Variants in MLIP observed in about 807,000 individuals in gnomAD.
MLIP encodes the protein muscular LMNA interacting protein, also known as muscular LMNA-interacting protein.
MLIP carries 79 observed loss-of-function variants against 84.8 expected under a neutral mutation model. The ratio of observed to expected loss-of-function variants is 0.93; its 90% CI spans 0.78 to 1.12. The LOEUF is 1.12. MLIP is among the 50% of genes most tolerant of loss of function. MLIP has a pLI of 0.00. For synonymous variants in MLIP, 504 were observed against 463.0 expected (o/e 1.09, Z -1.14); for missense variants, 1,257 against 1,160.6 (o/e 1.08, Z -1.21).
chr6:54,192,597 T>C (rs1003001571), intron 10 of MLIP, among the ~76,000 whole-genome samples: 1 of 151,812 alleles, frequency 6.6e-6, no homozygotes, highest in African/African-American at 2.4e-5. Context: ...AGAATGTCTT[T>C]GATAAACAAA....
At chr6:54,213,985 C>T (rs935394204) in intron 11 of MLIP, among the ~76,000 whole-genome samples, 6 of 151,986 alleles carry the variant, frequency 3.9e-5, no homozygotes, top group South Asian at 4.1e-4. Context: ...AGAGCATAGC[C>T]ATTTATTTTT....
intron 12 of MLIP, among the ~76,000 whole-genome samples, chr6:54,238,615 G>T (rs997128313): frequency 2.0e-5 from 3 of 152,188 alleles, no homozygotes; most frequent in Admixed American, 1.3e-4. Context: ...CTAGAGGAGT[G>T]AGGACTAAGC....
chr6:54,059,894 G>A (rs1765868994), intron 1 of MLIP, among the ~76,000 whole-genome samples: 1 of 152,204 alleles, frequency 6.6e-6, no homozygotes, highest in South Asian at 2.1e-4. Context: ...TTTTACAATG[G>A]TTATTTCCTT....
rs1765967247 is a variant in MLIP at position 54,061,575 on chromosome 6, A to G, written c.63+42484A>G. On this transcript the variant is annotated intron_variant, in intron 1 of 12. Coordinates refer to the MLIP transcript ENST00000274897. The stretch of plus-strand genomic sequence containing the variant: ...CCAGGCAGCAGGCTCTGATCTTTGA[A>G]GAATTTATATAATTGCAGAAGTAGG... Among the ~76,000 whole-genome samples, 3 of 152,216 alleles carry G rather than the reference A, an allele frequency of 2.0e-5. 1 individual carries two copies. Among genetic ancestry groups the G allele is most frequent in the African/African-American group, 4.8e-5 (2 of 41,448 alleles).
intron 5 of MLIP, among the ~76,000 whole-genome samples, chr6:54,158,195 G>T (rs1258602459): frequency 2.6e-5 from 4 of 152,070 alleles, no homozygotes. Flanking sequence ...GGTTTCACAG[G>T]TGGCATAACA....
At chr6:54,024,176 C>T (rs935767240) in intron 1 of MLIP, among the ~76,000 whole-genome samples, 1 of 152,130 alleles carries the variant, frequency 6.6e-6, no homozygotes, top group African/African-American at 2.4e-5. Context: ...CCATGCCCAG[C>T]TAATTTTGTA....
chr6:54,183,951 T>C (rs1302113025), intron 9 of MLIP, among the ~76,000 whole-genome samples: 1 of 152,122 alleles, frequency 6.6e-6, no homozygotes, highest in Non-Finnish European at 1.5e-5. Flanking sequence ...ATGGATTCAT[T>C]GTTTTGACCA....
intron 9 of MLIP, among the ~76,000 whole-genome samples, chr6:54,186,587 G>A (rs1777417937): frequency 6.6e-6 from 1 of 152,196 alleles, no homozygotes; most frequent in Non-Finnish European, 1.5e-5. Flanking sequence ...AATCATGGGA[G>A]AAAATGAAGG....
At chr6:54,223,880 T>G (rs1046368729) in intron 11 of MLIP, among the ~76,000 whole-genome samples, 1 of 152,104 alleles carries the variant, frequency 6.6e-6, no homozygotes, top group African/African-American at 2.4e-5. Flanking sequence ...ATCATTATTT[T>G]TCAAATTATT....
chr6:54,144,243 C>T (rs889831014), intron 4 of MLIP, among the ~76,000 whole-genome samples: 3 of 152,162 alleles, frequency 2.0e-5, no homozygotes, highest in Non-Finnish European at 2.9e-5. Context: ...GTAAGACAGA[C>T]GTGATCACCG....
intron 1 of MLIP, among the ~76,000 whole-genome samples, chr6:54,085,321 A>G (rs1198123993): frequency 2.6e-5 from 4 of 152,222 alleles, no homozygotes; most frequent in Non-Finnish European, 5.9e-5. Context: ...TGAGTGCTAC[A>G]GCTATTGCTT....
At chr6:54,108,961 C>G (rs1245235196), upstream of MLIP, among the ~76,000 whole-genome samples, 1 of 151,866 alleles carries the variant, frequency 6.6e-6, no homozygotes, top group African/African-American at 2.4e-5. Flanking sequence ...GAGAACCACA[C>G]TAGAACTTTG....
At chr6:54,031,333 G>A (rs924211165) in intron 1 of MLIP, 8 of 151,974 alleles carry the variant, frequency 5.3e-5, no homozygotes, top group South Asian at 2.1e-4. Context: ...CTCCTTATCC[G>A]AGAGCAGATT....
intron 1 of MLIP, among the ~76,000 whole-genome samples, chr6:54,071,838 G>T: frequency 6.6e-6 from 1 of 152,132 alleles, no homozygotes; most frequent in East Asian, 1.9e-4. Flanking sequence ...CAAGCCTACT[G>T]CACATGAAAC....
intron 3 of MLIP, among the ~76,000 whole-genome samples, chr6:54,127,531 T>A (rs1771023521): frequency 6.6e-6 from 1 of 152,142 alleles, no homozygotes; most frequent in Non-Finnish European, 1.5e-5. Context: ...TTCTGATAGC[T>A]TTTTTTCTGT....
chr6:54,028,606 C>G (rs970014256), intron 1 of MLIP, among the ~76,000 whole-genome samples: 1 of 152,154 alleles, frequency 6.6e-6, no homozygotes, highest in Admixed American at 6.6e-5. Flanking sequence ...TTGAACTCAG[C>G]TTTCAGTTTT....
chr6:54,224,688 G>A (rs1780456878), intron 11 of MLIP, among the ~76,000 whole-genome samples: 1 of 151,886 alleles, frequency 6.6e-6, no homozygotes, highest in Admixed American at 6.6e-5. Context: ...CATCCCCCGA[G>A]CAGTATATAC....
chr6:54,103,931 T>C (rs1051959110), intron 1 of MLIP, among the ~76,000 whole-genome samples: 1 of 152,168 alleles, frequency 6.6e-6, no homozygotes, highest in Non-Finnish European at 1.5e-5. Context: ...TATTATATGA[T>C]ACCTTGTGGG....
intron 13 of MLIP, among the ~76,000 whole-genome samples, chr6:54,262,586 T>C (rs993374201): frequency 3.9e-5 from 6 of 152,038 alleles, no homozygotes; most frequent in African/African-American, 1.4e-4. Flanking sequence ...GAGCTAAAGT[T>C]AGAGTCTTAT....
Sources: gnomAD v4.1 joint callset for allele counts (sites outside exome capture counted in the v4.1 genomes callset) on GRCh38, gnomAD v4.1.1 for gene constraint, MANE v1.5 for transcripts, NCBI Gene and HGNC (gene_info 2026-07-23, HGNC 2026-07-21) for gene names.